The following PAIP2 variants were observed in gnomAD, a reference collection of about 807,000 sequenced individuals.
The protein encoded by PAIP2 is poly(A) binding protein interacting protein 2.
A neutral mutation model predicts 14.8 loss-of-function variants in PAIP2; 7 were observed. That is an observed-to-expected ratio of 0.47 (90% CI 0.27 to 0.89). The LOEUF (loss-of-function observed/expected upper bound fraction) is 0.89, where lower values mean the gene tolerates loss of function less well. Ranked by LOEUF, PAIP2 falls within the 40% of genes least tolerant of loss-of-function variation. The pLI is 0.13. For synonymous variants in PAIP2, 47 were observed against 45.3 expected, an observed-to-expected ratio of 1.04 and a Z score of -0.15; for missense variants, 122 against 154.7, an observed-to-expected ratio of 0.79 and a Z score of 1.12.
intron 1 of PAIP2, among the ~76,000 whole-genome samples, chr5:139,358,730 A>G (rs1306631377): frequency 6.6e-6 from 1 of 152,248 alleles, no homozygotes. Flanking sequence ...CCTTGAAAAC[A>G]TTGTAATAAG....
intron 1 of PAIP2, among the ~76,000 whole-genome samples, chr5:139,358,987 T>A (rs1278796692): frequency 6.6e-6 from 1 of 152,152 alleles, no homozygotes; most frequent in Non-Finnish European, 1.5e-5. Context: ...AGTAAATTCT[T>A]TTTTTGAGAC....
At chr5:139,342,910 A>G (rs963259144) in intron 1 of PAIP2, 1 of 152,068 alleles carries the variant, frequency 6.6e-6, no homozygotes, top group African/African-American at 2.4e-5. Context: ...TTGGCTTCCA[A>G]TTTGCCTTGG....
chr5:139,344,118 C>T (rs533742514), intron 1 of PAIP2, among the ~76,000 whole-genome samples: 1 of 152,276 alleles, frequency 6.6e-6, no homozygotes, highest in East Asian at 1.9e-4. Context: ...ATTTGATCCA[C>T]AACATAGCTA....
intron 1 of PAIP2, among the ~76,000 whole-genome samples, chr5:139,343,679 TATC>T (rs1756448615): frequency 1.3e-5 from 2 of 152,100 alleles, no homozygotes; most frequent in African/African-American, 4.8e-5. Context: ...TGTCATTCAT[TATC>T]ATGAAACGTG....
At position 139,352,495 on chromosome 5, in the gene PAIP2, TTTTGTTG is replaced by T. The variant is rs1419658780; in HGVS notation, c.-27+10519_-27+10525del. Among the ~76,000 whole-genome samples the T allele has an allele frequency of 8.9e-3, 839 of 93,826 alleles. 24 individuals are homozygous for T. Among genetic ancestry groups the T allele is most frequent in the African/African-American group, 0.022 (803 of 36,128 alleles). The allele number at this position is 93,826 out of a possible 152,430, so 61.6% of individuals were successfully genotyped here. Reference sequence around the variant, plus strand: ...CTCAGTTAATTCCTGCCAGTTTTTTTTTTGTTGTTTTTTTTTTTTGAGATGGAGTTTC... The same window carrying T: ...CTCAGTTAATTCCTGCCAGTTTTTTTTTTTTTTTTTTTGAGATGGAGTTTC... On this transcript the variant is annotated intron_variant, in intron 1 of 3. Coordinates refer to ENST00000265192, the MANE Select transcript of PAIP2 (RefSeq NM_016480.5).
chr5:139,365,489 CA>C (rs1055172988), intron 3 of PAIP2, among the ~76,000 whole-genome samples: 2 of 148,496 alleles, frequency 1.3e-5, no homozygotes, highest in East Asian at 2.0e-4. Flanking sequence ...GACTCTGACT[CA>C]AAAAAAAGAA....
intron 1 of PAIP2, among the ~76,000 whole-genome samples, chr5:139,348,678 C>CT (rs761015051): frequency 0.012 from 1,510 of 127,550 alleles, 9 homozygotes; most frequent in East Asian, 0.014. Flanking sequence ...ATCTTTGTAT[C>CT]TTTTTTTTTT....
chr5:139,356,257 C>T (rs1387192613), intron 1 of PAIP2, among the ~76,000 whole-genome samples: 2 of 151,500 alleles, frequency 1.3e-5, no homozygotes, highest in Non-Finnish European at 2.9e-5. Context: ...ACTAGCCTGA[C>T]CAACATGGTG....
chr5:139,342,672 C>A (rs769988257), intron 1 of PAIP2: 3 of 152,142 alleles, frequency 2.0e-5, no homozygotes, highest in Non-Finnish European at 4.4e-5. Flanking sequence ...TTAAGGTCCT[C>A]TTACCTTTTA....
chr5:139,345,406 C>T (rs1319771360), intron 1 of PAIP2, among the ~76,000 whole-genome samples: 3 of 152,124 alleles, frequency 2.0e-5, no homozygotes, highest in Non-Finnish European at 4.4e-5. Context: ...CGGTGCTTTT[C>T]ACAGACTTCA....
intron 3 of PAIP2, among the ~76,000 whole-genome samples, chr5:139,366,616 G>A (rs1757263659): frequency 1.3e-5 from 2 of 152,162 alleles, no homozygotes; most frequent in South Asian, 4.1e-4. Flanking sequence ...TAATCCAGTT[G>A]CCCTGCAGAG....
intron 3 of PAIP2, chr5:139,365,138 CTATT>C (rs1445521654): frequency 8.7e-6 from 1 of 115,330 alleles, no homozygotes; most frequent in African/African-American, 3.1e-5. Flanking sequence ...GAGTGAAACT[CTATT>C]AAATAAATAA....
intron 1 of PAIP2, among the ~76,000 whole-genome samples, chr5:139,345,885 C>G (rs1174351204): frequency 6.6e-6 from 1 of 152,006 alleles, no homozygotes; most frequent in African/African-American, 2.4e-5. Context: ...CCTCGGCCTC[C>G]CAAAGTGCTG....
At chr5:139,363,688 G>C in intron 1 of PAIP2, 71 bp from the exon 2 acceptor site, 3 of 1,384,046 alleles carry the variant, frequency 2.2e-6, no homozygotes, top group Non-Finnish European at 3.0e-6. Flanking sequence ...GGATGACGGA[G>C]TGAAACCTTG....
intron 1 of PAIP2, among the ~76,000 whole-genome samples, chr5:139,360,672 AG>A (rs1757042719): frequency 2.0e-5 from 3 of 151,918 alleles, no homozygotes; most frequent in Admixed American, 6.6e-5. Context: ...CATATTGCCC[AG>A]GCTAGTATCA....
At chr5:139,352,371 AT>A (rs1756760660) in intron 1 of PAIP2, among the ~76,000 whole-genome samples, 1 of 151,300 alleles carries the variant, frequency 6.6e-6, no homozygotes, top group Admixed American at 6.6e-5. Context: ...AACATTTTTT[AT>A]TTTTGATATA....
intron 1 of PAIP2, among the ~76,000 whole-genome samples, chr5:139,353,973 C>T (rs922451329): frequency 6.6e-6 from 1 of 152,146 alleles, no homozygotes; most frequent in African/African-American, 2.4e-5. Flanking sequence ...CCACCCACTT[C>T]GGCCTCCCAA....
intron 1 of PAIP2, among the ~76,000 whole-genome samples, chr5:139,356,177 G>A (rs1318731746): frequency 6.6e-6 from 1 of 151,674 alleles, no homozygotes; most frequent in Non-Finnish European, 1.5e-5. Flanking sequence ...GCTGGGCACG[G>A]TGGCTCACGC....
At chr5:139,364,024 A>T (rs888955472) in intron 2 of PAIP2, 102 bp downstream of exon 2, 11 of 913,556 alleles carry the variant, frequency 1.2e-5, no homozygotes, top group South Asian at 3.2e-5. Flanking sequence ...TGTATAAAGT[A>T]TGTAGACTGA....
Sources: allele counts gnomAD v4.1 joint callset (sites outside exome capture counted in the v4.1 genomes callset), GRCh38; gene constraint gnomAD v4.1.1; transcripts MANE v1.5; gene names NCBI Gene and HGNC (gene_info 2026-07-23, HGNC 2026-07-21).